Variants in SIL1 observed in about 807,000 individuals in gnomAD.
SIL1 encodes the protein SIL1 nucleotide exchange factor.
A neutral mutation model predicts 49.1 loss-of-function variants in SIL1; 40 were observed. That is an observed-to-expected ratio of 0.81 (90% CI 0.63 to 1.06). The LOEUF is 1.06. SIL1 is among the 50% of genes least tolerant of loss of function. The pLI is 0.00. For synonymous variants in SIL1, 253 were observed against 250.8 expected, an observed-to-expected ratio of 1.01 and a Z score of -0.08; for missense variants, 500 against 572.6, an observed-to-expected ratio of 0.87 and a Z score of 1.29.
intron 1 of SIL1, among the ~76,000 whole-genome samples, chr5:139,142,755 C>T (rs985249040): frequency 6.6e-6 from 1 of 151,966 alleles, no homozygotes; most frequent in Non-Finnish European, 1.5e-5. Context: ...CCACTTTCAC[C>T]ACCTCTTTTA....
At chr5:139,043,638 G>T (rs1769092968) in intron 4 of SIL1, among the ~76,000 whole-genome samples, 1 of 152,176 alleles carries the variant, frequency 6.6e-6, no homozygotes, top group South Asian at 2.1e-4. Flanking sequence ...AGGAACCAAT[G>T]TGGCTATAAT....
chr5:139,120,988 G>T, intron 3 of SIL1, 47 bp downstream of exon 3: 2 of 1,612,180 alleles, frequency 1.2e-6, no homozygotes, highest in Non-Finnish European at 1.7e-6. Flanking sequence ...GACATATGCA[G>T]TTTGAATTCA....
chr5:139,085,950 C>T (rs1189782425), intron 3 of SIL1, among the ~76,000 whole-genome samples: 6 of 152,026 alleles, frequency 3.9e-5, no homozygotes, highest in Non-Finnish European at 8.8e-5. Flanking sequence ...CAATGGACTC[C>T]AGTGAAACAA....
intron 3 of SIL1, among the ~76,000 whole-genome samples, chr5:139,062,184 T>C (rs553756214): frequency 6.6e-6 from 1 of 152,306 alleles, no homozygotes; most frequent in East Asian, 1.9e-4. Flanking sequence ...TCTAGGGTGC[T>C]GAACCCTGAA....
At chr5:139,106,651 G>A (rs1332623527) in intron 3 of SIL1, among the ~76,000 whole-genome samples, 2 of 152,058 alleles carry the variant, frequency 1.3e-5, no homozygotes, top group African/African-American at 2.4e-5. Flanking sequence ...CAGAACCCCC[G>A]ATACCTGACT....
chr5:138,957,510 G>GGAGGCT, intron 7 of SIL1, among the ~76,000 whole-genome samples: 1 of 152,086 alleles, frequency 6.6e-6, no homozygotes, highest in East Asian at 1.9e-4. Flanking sequence ...CTTGAGCCCA[G>GGAGGCT]GAGGCTGAGG....
At chr5:138,997,067 A>C (rs1217782447) in intron 7 of SIL1, among the ~76,000 whole-genome samples, 1 of 152,070 alleles carries the variant, frequency 6.6e-6, no homozygotes, top group African/African-American at 2.4e-5. Flanking sequence ...TGAGTGGCTG[A>C]GACTACAGGA....
At chr5:139,159,724 T>G (rs753630614) in intron 1 of SIL1, among the ~76,000 whole-genome samples, 1 of 152,134 alleles carries the variant, frequency 6.6e-6, no homozygotes, top group Non-Finnish European at 1.5e-5. Flanking sequence ...AAGAGAGACC[T>G]TTGGAAGCTG....
At chr5:139,006,756 G>T (rs1768127462) in intron 7 of SIL1, among the ~76,000 whole-genome samples, 1 of 149,620 alleles carries the variant, frequency 6.7e-6, no homozygotes, top group Non-Finnish European at 1.5e-5. Flanking sequence ...GTTTGTCAAA[G>T]ATCAGACAGT....
At chr5:138,968,582 C>T (rs1178646321) in intron 7 of SIL1, among the ~76,000 whole-genome samples, 1 of 152,194 alleles carries the variant, frequency 6.6e-6, no homozygotes, top group African/African-American at 2.4e-5. Context: ...TCACAGGGCC[C>T]CTGCTATGCA....
intron 7 of SIL1, among the ~76,000 whole-genome samples, chr5:138,954,088 G>A (rs1005808581): frequency 3.3e-5 from 5 of 152,176 alleles, no homozygotes; most frequent in Admixed American, 6.5e-5. Flanking sequence ...AAGGTGGGCT[G>A]ATGTGGGTCG....
intron 7 of SIL1, among the ~76,000 whole-genome samples, chr5:138,993,869 A>C (rs1767808232): frequency 6.6e-6 from 1 of 152,236 alleles, no homozygotes; most frequent in East Asian, 1.9e-4. Flanking sequence ...ACAAAGTCAC[A>C]CTTGGACTCC....
At chr5:139,192,081 A>G (rs1752183868) in intron 1 of SIL1, among the ~76,000 whole-genome samples, 1 of 150,882 alleles carries the variant, frequency 6.6e-6, no homozygotes, top group Non-Finnish European at 1.5e-5. Flanking sequence ...TCTCAAAAAA[A>G]AAAAAAAAAA....
At chr5:139,182,951 TG>T (rs1752017193) in intron 1 of SIL1, among the ~76,000 whole-genome samples, 1 of 152,230 alleles carries the variant, frequency 6.6e-6, no homozygotes. Context: ...AGAGGAGAGA[TG>T]CTCTTACATG....
chr5:139,056,875 A>T (rs1228107850), intron 3 of SIL1, among the ~76,000 whole-genome samples: 1 of 151,936 alleles, frequency 6.6e-6, no homozygotes, highest in African/African-American at 2.4e-5. Flanking sequence ...TGGAATAGAA[A>T]GGGGGGAAAG....
At chr5:138,974,926 G>A (rs941362319) in intron 7 of SIL1, among the ~76,000 whole-genome samples, 2 of 152,116 alleles carry the variant, frequency 1.3e-5, no homozygotes, top group Non-Finnish European at 2.9e-5. Context: ...TCTGAGCTGA[G>A]GAAGCTGAGG....
chr5:139,027,441 G>T (rs1768683564), intron 5 of SIL1, among the ~76,000 whole-genome samples: 1 of 152,152 alleles, frequency 6.6e-6, no homozygotes. Context: ...AACATTTTAG[G>T]GAAACTTGGA....
chr5:139,126,675 C>T (rs978581007), intron 2 of SIL1, among the ~76,000 whole-genome samples: 2 of 152,148 alleles, frequency 1.3e-5, no homozygotes, highest in East Asian at 1.9e-4. Context: ...CAAAAGGACT[C>T]GTGACTCCTA....
chr5:139,081,429 A>T (rs1486125048), intron 3 of SIL1, among the ~76,000 whole-genome samples: 1 of 152,052 alleles, frequency 6.6e-6, no homozygotes, highest in African/African-American at 2.4e-5. Context: ...TAACAATATA[A>T]ATTTTAGACA....
Sources: allele counts gnomAD v4.1 joint callset (sites outside exome capture counted in the v4.1 genomes callset), GRCh38; gene constraint gnomAD v4.1.1; transcripts MANE v1.5; gene names NCBI Gene and HGNC (gene_info 2026-07-23, HGNC 2026-07-21).